OGA: variants seen among roughly 807,000 people sequenced by gnomAD.
The protein encoded by OGA is protein O-GlcNAcase.
OGA carries 21 observed loss-of-function variants against 102.0 expected under a neutral mutation model. The observed-to-expected ratio is 0.21, with a 90% confidence interval of 0.15 to 0.30. The LOEUF is 0.30. OGA is among the 10% of genes least tolerant of loss of function. The probability of loss-of-function intolerance (pLI) is 1.00; values close to 1 mark genes in which losing one functional copy is unlikely to be tolerated. For missense variants in OGA, 765 were observed against 1,107.8 expected, an observed-to-expected ratio of 0.69 and a Z score of 4.39; for synonymous variants, 408 against 378.2, an observed-to-expected ratio of 1.08 and a Z score of -0.91.
rs186565469 is a variant in OGA at position 101,799,971 on chromosome 10, G to C, written c.1195+271C>G. Among the ~76,000 whole-genome samples the C allele has an allele frequency of 4.1e-3, 629 of 152,164 alleles. 23 individuals carry two copies. The highest frequency in any genetic ancestry group is 0.039 in the Admixed American group (596 of 15,282). On this transcript the variant is annotated intron_variant, in intron 8 of 15. Transcript: ENST00000361464. Reference sequence around the variant, plus strand: ...CACTGCAACCTCTGCCTCCCAGGTTGAGGCGACTGTCCTGCCTCAGCCTCC... The same window carrying C: ...CACTGCAACCTCTGCCTCCCAGGTTCAGGCGACTGTCCTGCCTCAGCCTCC...
chr10:101,788,856 T>C (rs950105107), intron 14 of OGA, among the ~76,000 whole-genome samples: 1 of 152,262 alleles, frequency 6.6e-6, no homozygotes, highest in Non-Finnish European at 1.5e-5. Flanking sequence ...TATACCCATG[T>C]TGGTTACTTA....
chr10:101,806,992 T>C (rs1250708722), intron 5 of OGA, among the ~76,000 whole-genome samples: 2 of 152,138 alleles, frequency 1.3e-5, no homozygotes, highest in Non-Finnish European at 2.9e-5. Flanking sequence ...TAAAAAAAAT[T>C]TTTTTAAAGG....
intron 4 of OGA, among the ~76,000 whole-genome samples, chr10:101,809,427 G>C (rs970627230): frequency 2.6e-5 from 4 of 152,124 alleles, no homozygotes; most frequent in African/African-American, 9.7e-5. Context: ...CTATCAGAAG[G>C]ATTCAAGGCT....
At chr10:101,794,185 TTCC>T (rs2065290341) in intron 10 of OGA, 187 bp from the exon 11 acceptor site, 1 of 409,140 alleles carries the variant, frequency 2.4e-6, no homozygotes. Context: ...CTAATGTTCC[TTCC>T]TCCAATTAAT....
rs1476041316 is a variant in OGA, at chr10:101,817,853, G to C, written c.170C>G (p.Ala57Gly). Residue 57 changes from alanine to glycine, a missense_variant, in exon 1 of 16, where the codon GCT becomes GGT. By Grantham distance (60) the Ala-to-Gly change is moderately conservative. This residue lies in a region of OGA where 117 missense variants were observed against 85.7 expected (regional missense o/e 1.36). Coordinates refer to ENST00000361464, the MANE Select transcript of OGA (RefSeq NM_012215.5). ...CACCACACCGCAGAGGAACCGCCGA[G>C]CCCCTCCTGCAGCCCCGGCCACCGC... ...GAAVAGAAGG[A>G]RRFLCGVVEG... is the part of the protein sequence containing the mutation. 6.5e-7 allele frequency: 1 copy of C among 1,542,734 alleles called. No homozygotes were observed. The highest frequency in any genetic ancestry group is 2.3e-4 in the Middle Eastern group (1 of 4,384).
At chr10:101,812,285 T>C (rs1383130168) in intron 3 of OGA, among the ~76,000 whole-genome samples, 1 of 152,150 alleles carries the variant, frequency 6.6e-6, no homozygotes, top group Non-Finnish European at 1.5e-5. Flanking sequence ...CTCAAGCCTG[T>C]AATCCCAGCA....
chr10:101,808,266 G>A (rs1268689862), intron 4 of OGA, among the ~76,000 whole-genome samples: 1 of 152,084 alleles, frequency 6.6e-6, no homozygotes, highest in Non-Finnish European at 1.5e-5. Flanking sequence ...GAATTTTATG[G>A]AGCTCAAAGA....
chr10:101,808,014 G>A, intron 4 of OGA, 113 bp from the exon 5 acceptor site: 2 of 869,354 alleles, frequency 2.3e-6, no homozygotes, highest in South Asian at 6.2e-5. Flanking sequence ...AATGTTCAAA[G>A]ACAGATTTAT....
intron 4 of OGA, 21 bp from the exon 5 acceptor site, chr10:101,807,922 A>C: frequency 6.8e-7 from 1 of 1,465,056 alleles, no homozygotes; most frequent in Non-Finnish European, 9.1e-7. Context: ...AAAAAAAAAA[A>C]GAATCAAGAG....
intron 4 of OGA, among the ~76,000 whole-genome samples, chr10:101,809,257 G>A (rs890456356): frequency 1.3e-5 from 2 of 152,082 alleles, no homozygotes; most frequent in Non-Finnish European, 2.9e-5. Flanking sequence ...TAGATTCCCG[G>A]TCCCCACCTT....
At position 101,804,465 on chromosome 10, in the gene OGA, G is replaced by A. The variant is rs1035947692; in HGVS notation, c.752-446C>T. ...TTTTTTGTATTTTTTAGTAGAGATG[G>A]GGTTTCACTGTGTTAGCCAGGATGG... On this transcript the variant is annotated intron_variant, in intron 6 of 15. Coordinates refer to ENST00000361464, the MANE Select transcript of OGA (RefSeq NM_012215.5). 8.0e-4 allele frequency among the ~76,000 whole-genome samples: 122 copies of A among 151,762 alleles called. 1 individual carries two copies. Among genetic ancestry groups the A allele is most frequent in the African/African-American group, 2.8e-3 (116 of 41,380 alleles).
chr10:101,813,303 C>A (rs2065582072), intron 2 of OGA, among the ~76,000 whole-genome samples, 176 bp from the exon 3 acceptor site: 1 of 152,064 alleles, frequency 6.6e-6, no homozygotes, highest in Non-Finnish European at 1.5e-5. Flanking sequence ...ACAATGTATG[C>A]CAACATACAA....
In OGA at chr10:101,798,111, C is replaced by T. The variant is rs1158200393; in HGVS notation, c.1853G>A (p.Cys618Tyr). The T allele has an allele frequency of 6.2e-7, 1 of 1,614,154 alleles. No homozygotes were observed. The part of the protein sequence containing the change: ...RSRAAKFEEM[C>Y]GLVMGMFTRL... Reference sequence around the variant, plus strand: ...AGTGAACATTCCCATCACTAGTCCACACATCTCTTCAAACTTGGCTGCTCG... The same window carrying T: ...AGTGAACATTCCCATCACTAGTCCATACATCTCTTCAAACTTGGCTGCTCG... Residue 618 changes from cysteine (C) to tyrosine (Y), a missense_variant, in exon 10 of 16, where the codon TGT (cysteine) becomes TAT (tyrosine). Coordinates refer to ENST00000361464, the MANE Select transcript of OGA (RefSeq NM_012215.5).
At chr10:101,796,844 C>G (rs911457396) in intron 10 of OGA, among the ~76,000 whole-genome samples, 1 of 152,108 alleles carries the variant, frequency 6.6e-6, no homozygotes, top group Non-Finnish European at 1.5e-5. Context: ...CCCACCTCAG[C>G]CACCAAGAGC....
chr10:101,787,065 G>C (rs2065199200), intron 15 of OGA, among the ~76,000 whole-genome samples: 1 of 146,900 alleles, frequency 6.8e-6, no homozygotes, highest in Non-Finnish European at 1.5e-5. Context: ...AAATTAGGTA[G>C]AGATGGGGTC....
intron 4 of OGA, 99 bp downstream of exon 4, chr10:101,810,085 A>C: frequency 8.5e-7 from 1 of 1,176,808 alleles, no homozygotes. Context: ...AAACAAAGAA[A>C]TAGGAATTTG....
In OGA at chr10:101,818,060, C is replaced by T; in HGVS notation, c.-38G>A. The stretch of plus-strand genomic sequence containing the variant: ...GGCCGCTGCCACCTCTGCGGGTCCT[C>T]CTCGACCTCTGTCCGTTGGGGCACC... On this transcript the variant is annotated 5_prime_UTR_variant, in exon 1 of 16. Transcript: ENST00000361464. The T allele has an allele frequency of 6.6e-7, 1 of 1,519,610 alleles. No homozygotes were observed. The highest frequency in any genetic ancestry group is 8.8e-7 in the Non-Finnish European group (1 of 1,130,296). 94.1% of individuals were successfully genotyped at this position (1,519,610 alleles called of 1,614,324 possible).
intron 1 of OGA, among the ~76,000 whole-genome samples, chr10:101,816,115 C>CA (rs1374596512): frequency 1.3e-5 from 2 of 151,658 alleles, no homozygotes; most frequent in African/African-American, 2.4e-5. Flanking sequence ...TACTAAAATA[C>CA]AAAAAATTAG....
At position 101,790,808 on chromosome 10, in the gene OGA, T is replaced by C; in HGVS notation, c.2454+88A>G. ...ATTTTATGATGTATCTATGTACTTT[T>C]CCATTTTAGTAAGTACTTTAATAAA... On this transcript the variant is annotated intron_variant, in intron 14 of 15. Transcript: ENST00000361464. 3.0e-6 allele frequency: 3 copies of C among 999,290 alleles called. No individual in the cohort carries two copies. The South Asian group carries it at 5.9e-5, about 20-fold the overall frequency. 61.9% of individuals were successfully genotyped at this position (999,290 alleles called of 1,614,324 possible). A position where few individuals can be genotyped will look rare whatever the true frequency, so the allele number is the denominator to read the frequency against.
Sources: gnomAD v4.1 joint callset for allele counts (sites outside exome capture counted in the v4.1 genomes callset) on GRCh38, gnomAD v4.1.1 for gene constraint, gnomAD v4.1.1 regional missense constraint, MANE v1.5 for transcripts, NCBI Gene and HGNC (gene_info 2026-07-23, HGNC 2026-07-21) for gene names.